Variants in UNC79 observed in about 807,000 individuals in gnomAD.
UNC79 encodes protein unc-79 homolog.
A neutral mutation model predicts 283.1 loss-of-function variants in UNC79; 37 were observed. The observed-to-expected ratio is 0.13, with a 90% CI of 0.10 to 0.17. UNC79 has a LOEUF of 0.17. Among genes scored for constraint, UNC79 ranks in the 10% least tolerant of loss-of-function variants. The probability of loss-of-function intolerance (pLI) is 1.00; values close to 1 mark genes in which losing one functional copy is unlikely to be tolerated. For synonymous variants in UNC79, 1,107 were observed against 1,200.2 expected (o/e 0.92, Z 1.61); for missense variants, 2,272 against 3,211.1 (o/e 0.71, Z 7.07).
At chr14:93,443,422 TTC>T (rs1171388764) in intron 1 of UNC79, among the ~76,000 whole-genome samples, 1 of 82,914 alleles carries the variant, frequency 1.2e-5, no homozygotes, top group Non-Finnish European at 2.6e-5. Context: ...TCTGTCTGAC[TTC>T]TTTTTTTTTT....
intron 4 of UNC79, among the ~76,000 whole-genome samples, chr14:93,485,207 T>C (rs113062824): frequency 2.4e-5 from 3 of 123,338 alleles, no homozygotes; most frequent in Admixed American, 7.8e-5. Flanking sequence ...TGTATATATA[T>C]GTGTATATAT....
chr14:93,427,761 T>C (rs1030571052), upstream of UNC79, among the ~76,000 whole-genome samples: 7 of 151,964 alleles, frequency 4.6e-5, no homozygotes, highest in Non-Finnish European at 8.8e-5. Context: ...AATAAATAAA[T>C]AATATAAAAT....
chr14:93,383,142 A>C (rs1358761597), intron 1 of UNC79, among the ~76,000 whole-genome samples: 1 of 152,136 alleles, frequency 6.6e-6, no homozygotes, highest in Non-Finnish European at 1.5e-5. Context: ...ACTTTCATAT[A>C]CTGGGACCGT....
At chr14:93,660,994 G>A (rs959701810) in intron 39 of UNC79, among the ~76,000 whole-genome samples, 3 of 152,122 alleles carry the variant, frequency 2.0e-5, no homozygotes, top group East Asian at 1.9e-4. Flanking sequence ...ATGGATTTCT[G>A]TGGGGGAATA....
Position 93,625,100 on chromosome 14 carries a change from A to G in UNC79, c.5608+2259A>G, listed in dbSNP as rs1205436749. ...TGTCCTAGGAAATTCATGGTCCTTCATGAGCAAAATCCCTCACACACATTC... is the reference window on the plus strand; with the variant it reads ...TGTCCTAGGAAATTCATGGTCCTTCGTGAGCAAAATCCCTCACACACATTC... On this transcript the variant is annotated intron_variant, in intron 30 of 48. Coordinates refer to ENST00000555664, the Ensembl canonical transcript of UNC79. Among the ~76,000 whole-genome samples, 3 of 152,258 alleles carry G rather than the reference A, an allele frequency of 2.0e-5. No homozygotes were observed. In the East Asian group the frequency reaches 5.8e-4, roughly 29 times the overall value.
intron 1 of UNC79, among the ~76,000 whole-genome samples, chr14:93,366,940 C>CAGTATTACCA (rs1313786722): frequency 1.3e-5 from 2 of 152,142 alleles, no homozygotes; most frequent in Non-Finnish European, 2.9e-5. Context: ...AACCAAAAGA[C>CAGTATTACCA]AGTATTACCA....
intron 41 of UNC79, among the ~76,000 whole-genome samples, chr14:93,674,852 GTAGTA>G (rs1426204673): frequency 1.3e-5 from 2 of 152,184 alleles, no homozygotes; most frequent in Non-Finnish European, 2.9e-5. Flanking sequence ...TAAGTGACAG[GTAGTA>G]TCAAGCACCT....
At chr14:93,676,780 T>C (rs2073377461) in intron 41 of UNC79, among the ~76,000 whole-genome samples, 1 of 152,194 alleles carries the variant, frequency 6.6e-6, no homozygotes, top group South Asian at 2.1e-4. Flanking sequence ...ACAAAAACAG[T>C]GATTATTGCA....
chr14:93,448,642 C>T (rs528398337), intron 1 of UNC79, among the ~76,000 whole-genome samples: 55 of 152,290 alleles, frequency 3.6e-4, no homozygotes, highest in Non-Finnish European at 5.9e-4. Context: ...CTATTTCCCA[C>T]CGATGAGGTG....
intron 1 of UNC79, among the ~76,000 whole-genome samples, chr14:93,386,927 C>CCTTT (rs2054787362): frequency 3.7e-5 from 1 of 27,162 alleles, no homozygotes; most frequent in Non-Finnish European, 6.1e-5. Context: ...TGTATTTCTG[C>CCTTT]TTTTTTTTTT....
chr14:93,559,583 G>A (rs551164915), intron 14 of UNC79, among the ~76,000 whole-genome samples: 1 of 152,268 alleles, frequency 6.6e-6, no homozygotes, highest in South Asian at 2.1e-4. Context: ...GGCTGGCAGG[G>A]GTGGGGGTCA....
intron 1 of UNC79, among the ~76,000 whole-genome samples, chr14:93,402,668 G>A (rs974160319): frequency 6.6e-6 from 1 of 152,034 alleles, no homozygotes; most frequent in Non-Finnish European, 1.5e-5. Context: ...GAACAAGCAA[G>A]TAAGAGATAT....
intron 41 of UNC79, among the ~76,000 whole-genome samples, chr14:93,679,948 C>G (rs1173215468): frequency 6.6e-6 from 1 of 151,822 alleles, no homozygotes; most frequent in Non-Finnish European, 1.5e-5. Context: ...TGGTTGGCAG[C>G]CATAGAAAAC....
chr14:93,557,433 C>G (rs562447966), intron 14 of UNC79, among the ~76,000 whole-genome samples: 7 of 152,154 alleles, frequency 4.6e-5, no homozygotes, highest in Non-Finnish European at 1.0e-4. Context: ...CTCTGGCTCT[C>G]CTAGGCTCCT....
At chr14:93,669,342 TC>T (rs1226995101) in intron 40 of UNC79, among the ~76,000 whole-genome samples, 1 of 152,110 alleles carries the variant, frequency 6.6e-6, no homozygotes, top group Non-Finnish European at 1.5e-5. Context: ...GCCCAGATAT[TC>T]AGAGGTGTTA....
At chr14:93,615,593 G>A (rs1490780785) in intron 27 of UNC79, among the ~76,000 whole-genome samples, 1 of 151,502 alleles carries the variant, frequency 6.6e-6, no homozygotes, top group African/African-American at 2.4e-5. Flanking sequence ...GTGGTGCCAT[G>A]TGCCTGTAGT....
intron 1 of UNC79, chr14:93,333,595 T>C: frequency 2.5e-6 from 1 of 394,014 alleles, no homozygotes; most frequent in Non-Finnish European, 4.5e-6. Flanking sequence ...AAAAATAATC[T>C]TTAAGACACT....
At chr14:93,640,064 G>C (rs185925503) in intron 32 of UNC79, among the ~76,000 whole-genome samples, 1 of 152,144 alleles carries the variant, frequency 6.6e-6, no homozygotes, top group Non-Finnish European at 1.5e-5. Context: ...GCATTATTCT[G>C]GATGATCCCT....
chr14:93,580,470 A>G, intron 19 of UNC79, 94 bp downstream of exon 19: 1 of 1,236,348 alleles, frequency 8.1e-7, no homozygotes, highest in Non-Finnish European at 1.1e-6. Context: ...AGCATCTTAT[A>G]CTCCATGCTG....
Sources: gnomAD v4.1 joint callset for allele counts (sites outside exome capture counted in the v4.1 genomes callset) on GRCh38, gnomAD v4.1.1 for gene constraint, MANE v1.5 for transcripts, NCBI Gene and HGNC (gene_info 2026-07-23, HGNC 2026-07-21) for gene names.